FRMD4A: variants seen among roughly 807,000 people sequenced by gnomAD.
FRMD4A encodes the protein FERM domain-containing protein 4A.
A neutral mutation model predicts 129.1 loss-of-function variants in FRMD4A; 29 were observed. That is an observed-to-expected ratio of 0.22 (90% CI 0.17 to 0.31). The LOEUF is 0.31. FRMD4A is among the 10% of genes least tolerant of loss of function. FRMD4A has a pLI of 1.00. For missense variants in FRMD4A, 1,272 were observed against 1,375.8 expected, an observed-to-expected ratio of 0.92 and a Z score of 1.19; for synonymous variants, 634 against 571.6, an observed-to-expected ratio of 1.11 and a Z score of -1.56.
intron 5 of FRMD4A, among the ~76,000 whole-genome samples, chr10:13,784,815 C>T (rs767023626): frequency 1.3e-5 from 2 of 152,026 alleles, no homozygotes; most frequent in Non-Finnish European, 2.9e-5. Flanking sequence ...CATGGTGAAA[C>T]CCCTGTCTCT....
At chr10:14,329,769 C>A (rs1843438462) in intron 2 of FRMD4A, among the ~76,000 whole-genome samples, 1 of 152,138 alleles carries the variant, frequency 6.6e-6, no homozygotes, top group Admixed American at 6.5e-5. Flanking sequence ...CTGGAGGAGG[C>A]ATCCTAGCAA....
intron 2 of FRMD4A, among the ~76,000 whole-genome samples, chr10:14,126,320 T>G (rs2002207): frequency 0.4 from 61,151 of 151,828 alleles, 12,779 homozygotes; most frequent in East Asian, 0.58. Flanking sequence ...ACAGGCGTGC[T>G]CCATGACACC....
chr10:13,772,304 G>C lies in FRMD4A; in HGVS notation c.385-9624C>G, dbSNP rs921823021. ...ACAGGTGAAATATTAGATTCCTGAT[G>C]TAATCTTAGAGACCAGAATAGATGC... On this transcript the variant is annotated intron_variant, in intron 6 of 24. Transcript: ENST00000357447. Among the ~76,000 whole-genome samples, 12 of 151,294 alleles carry C rather than the reference G, an allele frequency of 7.9e-5. 1 individual carries two copies. The highest frequency in any genetic ancestry group is 2.9e-4 in the African/African-American group (12 of 41,054).
intron 2 of FRMD4A, among the ~76,000 whole-genome samples, chr10:13,999,784 A>C (rs2095635110): frequency 6.6e-6 from 1 of 152,244 alleles, no homozygotes; most frequent in Non-Finnish European, 1.5e-5. Context: ...TTCATGATCA[A>C]GTTCTCCACC....
intron 2 of FRMD4A, among the ~76,000 whole-genome samples, chr10:13,955,200 C>A (rs933386075): frequency 1.4e-5 from 2 of 144,560 alleles, no homozygotes; most frequent in East Asian, 4.2e-4. Flanking sequence ...CTCTGCCTTC[C>A]GGGTTCAAGC....
At chr10:13,869,696 C>T (rs939396474) in intron 2 of FRMD4A, among the ~76,000 whole-genome samples, 3 of 152,224 alleles carry the variant, frequency 2.0e-5, no homozygotes, top group African/African-American at 7.2e-5. Context: ...TGACATCCAA[C>T]TAGCTGGACC....
intron 7 of FRMD4A, 34 bp downstream of exon 7, chr10:13,762,590 G>C (rs540747020): frequency 8.2e-7 from 1 of 1,220,026 alleles, no homozygotes; most frequent in Non-Finnish European, 1.2e-6. Flanking sequence ...GTGTATGGCC[G>C]TGGGACATAA....
intron 2 of FRMD4A, among the ~76,000 whole-genome samples, chr10:13,928,512 C>T (rs2095159723): frequency 6.6e-6 from 1 of 151,976 alleles, no homozygotes; most frequent in African/African-American, 2.4e-5. Flanking sequence ...TTTTTTAAAG[C>T]CGTGGGATTA....
intron 2 of FRMD4A, among the ~76,000 whole-genome samples, chr10:14,128,000 CT>C (rs60444536): frequency 1.0e-5 from 1 of 97,682 alleles, no homozygotes; most frequent in Non-Finnish European, 2.0e-5. Flanking sequence ...CTCTCTCTCT[CT>C]TTCTTTCTTT....
chr10:14,037,669 AT>A (rs1305884538), intron 2 of FRMD4A, among the ~76,000 whole-genome samples: 1 of 147,008 alleles, frequency 6.8e-6, no homozygotes, highest in Non-Finnish European at 1.5e-5. Flanking sequence ...TAAAAAAAAA[AT>A]TAGACATTGT....
chr10:14,052,036 G>A (rs4748082), intron 2 of FRMD4A, among the ~76,000 whole-genome samples: 72,420 of 152,040 alleles, frequency 0.48, 17,909 homozygotes, highest in Middle Eastern at 0.58. Flanking sequence ...ATTCTTGTAA[G>A]AGGAGACTCA....
intron 4 of FRMD4A, among the ~76,000 whole-genome samples, chr10:13,799,490 G>A (rs867662364): frequency 4.6e-5 from 7 of 152,160 alleles, no homozygotes; most frequent in African/African-American, 1.4e-4. Flanking sequence ...AAAATGCCAC[G>A]AGATCTACCT....
chr10:13,881,513 C>G (rs2094546188), intron 2 of FRMD4A, among the ~76,000 whole-genome samples: 1 of 152,106 alleles, frequency 6.6e-6, no homozygotes. Flanking sequence ...AGCAGAGCTC[C>G]CTAGCAGAGA....
Position 13,724,693 on chromosome 10 carries a change from T to A in FRMD4A, c.759+13151A>T, listed in dbSNP as rs577613317. 2.8e-4 allele frequency among the ~76,000 whole-genome samples: 42 copies of A among 152,324 alleles called. 1 individual carries two copies. The South Asian group carries it at 8.7e-3, about 32-fold the overall frequency. ...AGCCAGTCTCAGGGCGGCTGCTACGTCATCTGGCTGGGTGTTTATTTGCAT... is the reference window on the plus strand; with the variant it reads ...AGCCAGTCTCAGGGCGGCTGCTACGACATCTGGCTGGGTGTTTATTTGCAT... On this transcript the variant is annotated intron_variant, in intron 12 of 24. Transcript: ENST00000357447.
intron 2 of FRMD4A, among the ~76,000 whole-genome samples, chr10:13,988,248 C>A (rs2095589367): frequency 6.6e-6 from 1 of 152,156 alleles, no homozygotes; most frequent in South Asian, 2.1e-4. Flanking sequence ...TTTTTAAGGC[C>A]CAGGACTGCT....
intron 2 of FRMD4A, among the ~76,000 whole-genome samples, chr10:14,311,194 C>A (rs528686880): frequency 6.6e-6 from 1 of 152,310 alleles, no homozygotes; most frequent in Admixed American, 6.5e-5. Flanking sequence ...ACAAGCCTCC[C>A]CACCTGTCTC....
chr10:13,929,477 G>C (rs1037198064), intron 2 of FRMD4A, among the ~76,000 whole-genome samples: 2 of 152,186 alleles, frequency 1.3e-5, no homozygotes, highest in Admixed American at 1.3e-4. Flanking sequence ...CCTGGTGGGG[G>C]AGCAGTGTTG....
chr10:13,867,566 A>G (rs777642990), intron 2 of FRMD4A, among the ~76,000 whole-genome samples: 8 of 143,564 alleles, frequency 5.6e-5, no homozygotes, highest in Non-Finnish European at 9.0e-5. Flanking sequence ...CAGCCCATAT[A>G]GATATATATG....
chr10:14,127,037 G>A (rs2131820121), intron 2 of FRMD4A, among the ~76,000 whole-genome samples: 1 of 152,288 alleles, frequency 6.6e-6, no homozygotes, highest in South Asian at 2.1e-4. Flanking sequence ...TAATAGGGAG[G>A]GCTGACATTA....
Sources: allele counts gnomAD v4.1 joint callset (sites outside exome capture counted in the v4.1 genomes callset), GRCh38; gene constraint gnomAD v4.1.1; transcripts MANE v1.5; gene names NCBI Gene and HGNC (gene_info 2026-07-23, HGNC 2026-07-21).